SGPP1: variants seen among roughly 807,000 people sequenced by gnomAD.
SGPP1 encodes the protein sphingosine-1-phosphate phosphatase 1.
SGPP1 carries 21 observed loss-of-function variants against 33.0 expected under a neutral mutation model. The observed-to-expected ratio is 0.64, with a 90% CI of 0.45 to 0.92. SGPP1 has a LOEUF of 0.92. SGPP1 is among the 40% of genes least tolerant of loss of function. The pLI is 0.00. For missense variants in SGPP1, 543 were observed against 589.4 expected (o/e 0.92, Z 0.81); for synonymous variants, 239 against 241.2 (o/e 0.99, Z 0.08).
chr14:63,700,679 G>C (rs1885278768), intron 1 of SGPP1, among the ~76,000 whole-genome samples: 1 of 152,064 alleles, frequency 6.6e-6, no homozygotes, highest in East Asian at 1.9e-4. Context: ...AGGTAACATG[G>C]AGAAAATAAA....
intron 2 of SGPP1, among the ~76,000 whole-genome samples, chr14:63,697,516 G>A (rs1885211446): frequency 6.6e-6 from 1 of 152,118 alleles, no homozygotes; most frequent in South Asian, 2.1e-4. Flanking sequence ...GATGCCTCAT[G>A]AGACACCATG....
intron 1 of SGPP1, among the ~76,000 whole-genome samples, chr14:63,707,694 T>A (rs553989045): frequency 6.6e-6 from 1 of 152,072 alleles, no homozygotes; most frequent in Admixed American, 6.6e-5. Flanking sequence ...GATCCACCTA[T>A]CTCGGCCTCC....
chr14:63,712,983 C>G (rs926563706), intron 1 of SGPP1, among the ~76,000 whole-genome samples: 1 of 151,638 alleles, frequency 6.6e-6, no homozygotes. Context: ...AGCTCCTGGG[C>G]TCAAGCAATC....
chr14:63,718,991 T>C (rs1263122294), intron 1 of SGPP1, among the ~76,000 whole-genome samples: 2 of 18,550 alleles, frequency 1.1e-4, no homozygotes, highest in Non-Finnish European at 1.1e-4. Context: ...TATATATATA[T>C]ATATATATAT....
At chr14:63,726,950 A>C (rs1223793616) in intron 1 of SGPP1, among the ~76,000 whole-genome samples, 1 of 152,244 alleles carries the variant, frequency 6.6e-6, no homozygotes, top group East Asian at 1.9e-4. Context: ...CATTACAAGA[A>C]TTAAAGCCGT....
intron 2 of SGPP1, among the ~76,000 whole-genome samples, chr14:63,698,355 T>C (rs1885229130): frequency 6.6e-6 from 1 of 152,234 alleles, no homozygotes; most frequent in Non-Finnish European, 1.5e-5. Flanking sequence ...AATACCTGGC[T>C]ATTGTGATTG....
rs753645070 is a variant in SGPP1, at chr14:63,686,676, T to TC, written c.775-21dup. ...AATATCCTAGGAAAAGATAAAAGTA[T>TC]CGTTGTTTAGTATAATACTGAATAT... On this transcript the variant is annotated intron_variant, in intron 2 of 2. Coordinates refer to ENST00000247225, the MANE Select transcript of SGPP1 (RefSeq NM_030791.4). 10 of 1,535,974 alleles carry TC rather than the reference T, an allele frequency of 6.5e-6. No individual in the cohort carries two copies. The highest frequency in any genetic ancestry group is 4.4e-6 in the Non-Finnish European group (5 of 1,124,010).
Position 63,691,232 on chromosome 14 carries a change from CAATTAACAAAATGTTTAGGAAAG to C in SGPP1, c.775-4599_775-4577del, listed in dbSNP as rs1339077206. ...CTTAGCCAAAAGGCTGAGAGGTGAT[CAATTAACAAAATGTTTAGGAAAG>C]TGTCAACTAAGGCAATAAATATCAT... On this transcript the variant is annotated intron_variant, in intron 2 of 2. Transcript: ENST00000247225. 2.0e-5 allele frequency among the ~76,000 whole-genome samples: 3 copies of C among 152,082 alleles called. No homozygotes were observed. In the East Asian group the frequency reaches 5.8e-4, roughly 29 times the overall value.
At chr14:63,705,565 G>A (rs562040890) in intron 1 of SGPP1, among the ~76,000 whole-genome samples, 6 of 152,026 alleles carry the variant, frequency 3.9e-5, no homozygotes, top group African/African-American at 1.2e-4. Context: ...GTACTTGGGA[G>A]GCTGAGGTAG....
At chr14:63,708,982 T>C (rs549466771) in intron 1 of SGPP1, among the ~76,000 whole-genome samples, 2 of 152,300 alleles carry the variant, frequency 1.3e-5, no homozygotes, top group South Asian at 2.1e-4. Flanking sequence ...CTTTTATCCT[T>C]AGGATCAAGT....
intron 1 of SGPP1, 25 bp from the exon 2 acceptor site, chr14:63,698,683 A>C: frequency 7.7e-7 from 1 of 1,299,550 alleles, no homozygotes; most frequent in Non-Finnish European, 1.1e-6. Flanking sequence ...AAGTAAAATT[A>C]GTTAAACAAA....
At chr14:63,708,571 C>T (rs1389808362) in intron 1 of SGPP1, among the ~76,000 whole-genome samples, 4 of 151,988 alleles carry the variant, frequency 2.6e-5, no homozygotes, top group South Asian at 4.2e-4. Flanking sequence ...GCCAGCAATC[C>T]TTTATTTCTG....
chr14:63,725,826 T>C (rs1196397188), intron 1 of SGPP1, among the ~76,000 whole-genome samples: 6 of 152,214 alleles, frequency 3.9e-5, no homozygotes, highest in Non-Finnish European at 8.8e-5. Flanking sequence ...AAAGGCTCTA[T>C]TGTTACAGAA....
At chr14:63,721,601 T>C (rs1885772083) in intron 1 of SGPP1, among the ~76,000 whole-genome samples, 1 of 152,240 alleles carries the variant, frequency 6.6e-6, no homozygotes, top group African/African-American at 2.4e-5. Context: ...TCAATTTTTC[T>C]TGGATCTTGC....
chr14:63,714,414 TA>T (rs1885580026), intron 1 of SGPP1, among the ~76,000 whole-genome samples: 2 of 152,180 alleles, frequency 1.3e-5, no homozygotes, highest in Non-Finnish European at 2.9e-5. Context: ...TTTAACTCTT[TA>T]TTTTTTTTAA....
chr14:63,715,401 A>G (rs946937708), intron 1 of SGPP1, among the ~76,000 whole-genome samples: 2 of 152,134 alleles, frequency 1.3e-5, no homozygotes, highest in East Asian at 3.8e-4. Context: ...TTATAAAAAT[A>G]TGTATGTTAT....
At chr14:63,688,554 C>A (rs576309962) in intron 2 of SGPP1, among the ~76,000 whole-genome samples, 6 of 152,044 alleles carry the variant, frequency 3.9e-5, no homozygotes, top group South Asian at 4.2e-4. Context: ...TTCTACCTTA[C>A]AACAAAACAA....
At chr14:63,702,856 A>C (rs1198193498) in intron 1 of SGPP1, among the ~76,000 whole-genome samples, 1 of 152,250 alleles carries the variant, frequency 6.6e-6, no homozygotes, top group Non-Finnish European at 1.5e-5. Context: ...AAGCAGACAA[A>C]AAAGACTACA....
intron 1 of SGPP1, among the ~76,000 whole-genome samples, chr14:63,709,820 T>C (rs550285218): frequency 1.3e-5 from 2 of 152,334 alleles, no homozygotes; most frequent in East Asian, 1.9e-4. Flanking sequence ...CTGCACATCC[T>C]TGATCACAAG....
Sources: gnomAD v4.1 joint callset for allele counts (sites outside exome capture counted in the v4.1 genomes callset) on GRCh38, gnomAD v4.1.1 for gene constraint, MANE v1.5 for transcripts, NCBI Gene and HGNC (gene_info 2026-07-23, HGNC 2026-07-21) for gene names.